USPL1: variants seen among roughly 807,000 people sequenced by gnomAD.
USPL1 encodes ubiquitin specific peptidase like 1.
In USPL1, 27 loss-of-function variants were observed where a neutral mutation model predicts 51.5. The observed-to-expected ratio is 0.52, with a 90% CI of 0.39 to 0.72. The LOEUF is 0.72. Among genes scored for constraint, USPL1 ranks in the 30% least tolerant of loss-of-function variants. The pLI is 0.00. For synonymous variants in USPL1, 451 were observed against 459.6 expected, an observed-to-expected ratio of 0.98 and a Z score of 0.24; for missense variants, 1,226 against 1,268.0, an observed-to-expected ratio of 0.97 and a Z score of 0.50.
intron 7 of USPL1, among the ~76,000 whole-genome samples, chr13:30,651,548 C>G (rs1240173530): frequency 6.6e-6 from 1 of 152,174 alleles, no homozygotes; most frequent in Non-Finnish European, 1.5e-5. Context: ...CACGTGTAAA[C>G]TTATGTAAAG....
chr13:30,634,796 A>G (rs1413507661), intron 4 of USPL1, among the ~76,000 whole-genome samples: 4 of 152,294 alleles, frequency 2.6e-5, no homozygotes, highest in South Asian at 2.1e-4. Context: ...GTACCAAGCA[A>G]TTCTCCCATT....
chr13:30,645,546 G>A (rs1207041011), intron 6 of USPL1, among the ~76,000 whole-genome samples: 1 of 152,200 alleles, frequency 6.6e-6, no homozygotes, highest in Non-Finnish European at 1.5e-5. Context: ...AAAAATAAAA[G>A]TAGTTATAGA....
chr13:30,658,292 T>G lies in USPL1; in HGVS notation c.2215T>G (p.Ser739Ala). 6.2e-7 allele frequency: 1 copy of G among 1,613,936 alleles called. No individual in the cohort carries two copies. Among genetic ancestry groups the G allele is most frequent in the Non-Finnish European group, 8.5e-7 (1 of 1,180,016 alleles). ...TACAGCAGATTCTCAAACCACAACA[T>G]CTAAGTCATTACAGAATCAGTCTCT... Reference protein sequence around the residue: ...ETTADSQTTTSKSLQNQSLKE... With the variant: ...ETTADSQTTTAKSLQNQSLKE... The change falls in exon 9 of 9, where the codon TCT (serine) becomes GCT (alanine). Residue 739 changes from serine to alanine, a missense_variant. Transcript: ENST00000255304.
At chr13:30,649,760 G>A (rs1274888892) in intron 7 of USPL1, among the ~76,000 whole-genome samples, 4 of 152,196 alleles carry the variant, frequency 2.6e-5, no homozygotes, top group Admixed American at 1.3e-4. Context: ...CAGCTCCCTT[G>A]TGCTTTCTTT....
chr13:30,653,420 C>T (rs1023575340), intron 8 of USPL1, 115 bp downstream of exon 8: 6 of 1,079,982 alleles, frequency 5.6e-6, no homozygotes, highest in Non-Finnish European at 7.7e-6. Context: ...CTGACTCTTT[C>T]TCTCTCCATT....
chr13:30,634,607 T>G (rs932284041), intron 4 of USPL1, among the ~76,000 whole-genome samples: 2 of 152,222 alleles, frequency 1.3e-5, no homozygotes, highest in Admixed American at 1.3e-4. Flanking sequence ...AATATTCATC[T>G]ACCTGTCAGT....
intron 3 of USPL1, among the ~76,000 whole-genome samples, chr13:30,625,572 A>G (rs1475912167): frequency 1.3e-5 from 2 of 149,190 alleles, no homozygotes; most frequent in Non-Finnish European, 3.0e-5. Context: ...CAGCCTCCTC[A>G]GTAGGTGAGA....
At chr13:30,646,062 C>A (rs1293042671) in intron 6 of USPL1, among the ~76,000 whole-genome samples, 1 of 152,154 alleles carries the variant, frequency 6.6e-6, no homozygotes. Flanking sequence ...TGTTGCTTTG[C>A]TTTTAAAATG....
intron 5 of USPL1, among the ~76,000 whole-genome samples, chr13:30,641,237 A>G (rs1166011869): frequency 1.3e-5 from 2 of 152,352 alleles, no homozygotes; most frequent in African/African-American, 2.4e-5. Flanking sequence ...GAAACCCCAC[A>G]TGATTGTTAT....
chr13:30,650,574 C>CA (rs34074092), intron 7 of USPL1, among the ~76,000 whole-genome samples: 179 of 123,172 alleles, frequency 1.5e-3, no homozygotes, highest in East Asian at 6.3e-3. Context: ...GAGACTGTCT[C>CA]AAAAAAAAAA....
At chr13:30,621,728 A>G in intron 2 of USPL1, 36 bp from the exon 3 acceptor site, 3 of 1,403,788 alleles carry the variant, frequency 2.1e-6, no homozygotes, top group East Asian at 2.7e-5. Flanking sequence ...TATTCTAGGA[A>G]TGTCTATATT....
chr13:30,633,250 A>T (rs910822675), intron 4 of USPL1, among the ~76,000 whole-genome samples: 2 of 152,178 alleles, frequency 1.3e-5, no homozygotes, highest in African/African-American at 4.8e-5. Context: ...GTATTTTATT[A>T]TTAGTTTTAA....
At chr13:30,636,944 GTTTTGT>G (rs764462369) in intron 4 of USPL1, among the ~76,000 whole-genome samples, 1 of 152,038 alleles carries the variant, frequency 6.6e-6, no homozygotes, top group South Asian at 2.1e-4. Context: ...TGTTGTTGTT[GTTTTGT>G]TTTTGTTTTT....
chr13:30,621,867 C>A lies in USPL1; in HGVS notation c.203C>A (p.Ser68Tyr). ...ACTTACCGAATTAGTTTTCAAGAAT[C>A]TATCTTTTTGTGTGAGGATCTGCAG... ...LKTYRISFQESIFLCEDLQCI... is the reference protein window; with the variant it reads ...LKTYRISFQEYIFLCEDLQCI... Residue 68 changes from serine (S) to tyrosine (Y), a missense_variant, in exon 3 of 9, where the codon TCT becomes TAT. Physicochemically the swap from Ser to Tyr is moderately radical, Grantham distance 144 (BLOSUM62 -2). Transcript: ENST00000255304. The A allele has an allele frequency of 6.4e-7, 1 of 1,566,554 alleles. No homozygotes were observed.
rs1258471891 is a variant in USPL1, at chr13:30,658,287, C to T, written c.2210C>T (p.Thr737Ile). 1.2e-6 allele frequency: 2 copies of T among 1,613,690 alleles called. No individual in the cohort carries two copies. The highest frequency in any genetic ancestry group is 1.7e-5 in the Admixed American group (1 of 59,984). The change falls in exon 9 of 9, where the codon ACA (threonine) becomes ATA (isoleucine). Residue 737 changes from threonine (T) to isoleucine (I), a missense_variant. Transcript: ENST00000255304. ...KKETTADSQTTTSKSLQNQSL... is the reference protein window; with the variant it reads ...KKETTADSQTITSKSLQNQSL... ...GAAACTACAGCAGATTCTCAAACCA[C>T]AACATCTAAGTCATTACAGAATCAG...
At chr13:30,631,976 T>G (rs868023732) in intron 4 of USPL1, among the ~76,000 whole-genome samples, 41 of 152,156 alleles carry the variant, frequency 2.7e-4, no homozygotes, top group African/African-American at 9.1e-4. Flanking sequence ...TTTGTTTTTT[T>G]TTTTTATACT....
intron 4 of USPL1, among the ~76,000 whole-genome samples, chr13:30,634,241 C>G (rs1950845071): frequency 1.3e-5 from 2 of 152,130 alleles, no homozygotes; most frequent in Non-Finnish European, 2.9e-5. Flanking sequence ...GAACCACAGG[C>G]AGGAGTGTAG....
At position 30,631,228 on chromosome 13, in the gene USPL1, T is replaced by C. The variant is rs200960256; in HGVS notation, c.622T>C (p.Ser208Pro). Residue 208 changes from serine (S) to proline (P), a missense_variant, in exon 4 of 9, where the codon TCT (serine) becomes CCT (proline). Coordinates refer to ENST00000255304, the MANE Select transcript of USPL1 (RefSeq NM_005800.5). Reference protein sequence around the residue: ...RPSPQNEGCTSKLEMPLESKC... With the variant: ...RPSPQNEGCTPKLEMPLESKC... ...TTCCCCTCAAAATGAAGGATGTACA[T>C]CTAAACTGGAAATGCCACTGGAGAG... 296 of 1,614,134 alleles carry C rather than the reference T, an allele frequency of 1.8e-4. 2 individuals are homozygous for C. The highest frequency in any genetic ancestry group is 2.4e-4 in the Non-Finnish European group (285 of 1,180,014).
Position 30,658,780 on chromosome 13 carries a change from G to T in USPL1, c.2703G>T (p.Lys901Asn), listed in dbSNP as rs1951210310. The stretch of plus-strand genomic sequence containing the variant: ...GTAAAAAGCTAAAGGCAGAAAAGAA[G>T]AAATTAGCTGCTCTTATGTCTTCCC... ...KLRKKLKAEK[K>N]KLAALMSSPQ... The change falls in exon 9 of 9, where the codon AAG becomes AAT. Residue 901 changes from lysine (K) to asparagine (N), a missense_variant. By Grantham distance (94) the Lys-to-Asn change is moderately conservative. Coordinates refer to ENST00000255304, the MANE Select transcript of USPL1 (RefSeq NM_005800.5). The T allele has an allele frequency of 6.2e-7, 1 of 1,613,940 alleles. No individual in the cohort carries two copies. Among genetic ancestry groups the T allele is most frequent in the Admixed American group, 1.7e-5 (1 of 59,994 alleles).
Sources: allele counts gnomAD v4.1 joint callset (sites outside exome capture counted in the v4.1 genomes callset), GRCh38; gene constraint gnomAD v4.1.1; transcripts MANE v1.5; gene names NCBI Gene and HGNC (gene_info 2026-07-23, HGNC 2026-07-21).